Variants in NEK4 observed in about 807,000 individuals in gnomAD.
NEK4 encodes serine/threonine-protein kinase Nek4.
NEK4 carries 86 observed loss-of-function variants against 98.4 expected under a neutral mutation model. The ratio of observed to expected loss-of-function variants is 0.87; its 90% CI spans 0.73 to 1.05. NEK4 has a LOEUF of 1.05. Among genes scored for constraint, NEK4 ranks in the 50% least tolerant of loss-of-function variants. NEK4 has a pLI of 0.00. For synonymous variants in NEK4, 328 were observed against 342.2 expected, an observed-to-expected ratio of 0.96 and a Z score of 0.46; for missense variants, 898 against 950.3, an observed-to-expected ratio of 0.94 and a Z score of 0.72.
rs1165514007 is a variant in NEK4 at position 52,737,594 on chromosome 3, CA to C, written c.2424del (p.Phe808LeufsTer20). On this transcript the variant is annotated frameshift_variant, in exon 15 of 16. Coordinates refer to ENST00000233027, the MANE Select transcript of NEK4 (RefSeq NM_003157.6). LOFTEE classifies it high-confidence loss of function. ...VYDLLEEEDE[F>X]DREVRLREHM... is the part of the protein sequence containing the mutation. ...GTTAATGAGACACTCACCTCTCTATCAAATTCATCCTCCTCCTCCAAAAGAT... is the reference window on the plus strand; with the variant it reads ...GTTAATGAGACACTCACCTCTCTATCAATTCATCCTCCTCCTCCAAAAGAT... 3.1e-6 allele frequency: 5 copies of C among 1,613,936 alleles called. No individual in the cohort carries two copies. Among genetic ancestry groups the C allele is most frequent in the Non-Finnish European group, 4.2e-6 (5 of 1,179,900 alleles).
In NEK4 at chr3:52,752,339, G is replaced by A; in HGVS notation, c.964-3C>T. On this transcript the variant is annotated splice_region_variant and splice_polypyrimidine_tract_variant and intron_variant, in intron 6 of 15. Transcript: ENST00000233027. ...TGGGACAAACATTTGCCTTCACCCT[G>A]AATGAAAAGATGTTTGGAAATTATT... The A allele has an allele frequency of 2.5e-6, 4 of 1,605,146 alleles. No homozygotes were observed. In the Admixed American group the frequency reaches 6.8e-5, roughly 27 times the overall value.
At chr3:52,725,910 A>G (rs2097364085) in intron 15 of NEK4, among the ~76,000 whole-genome samples, 1 of 152,130 alleles carries the variant, frequency 6.6e-6, no homozygotes. Context: ...AAACTCTCCA[A>G]AGATAGAAAT....
At chr3:52,722,531 A>G (rs1051285546) in intron 15 of NEK4, among the ~76,000 whole-genome samples, 1 of 152,226 alleles carries the variant, frequency 6.6e-6, no homozygotes, top group Non-Finnish European at 1.5e-5. Context: ...GACATAAAAA[A>G]TAAGTATGGA....
At chr3:52,732,269 C>T (rs2154102895) in intron 15 of NEK4, among the ~76,000 whole-genome samples, 1 of 152,282 alleles carries the variant, frequency 6.6e-6, no homozygotes, top group South Asian at 2.1e-4. Flanking sequence ...TCTTGGCTCA[C>T]TGCAAGCTCC....
chr3:52,711,890 AAATC>A (rs768804135), intron 15 of NEK4, 21 bp from the exon 16 acceptor site: 23 of 1,438,710 alleles, frequency 1.6e-5, no homozygotes, highest in Middle Eastern at 1.7e-4. Flanking sequence ...AACAAAAAGA[AAATC>A]AATCAGTATG....
chr3:52,746,676 C>G (rs1350692769), intron 9 of NEK4, 58 bp downstream of exon 9: 5 of 1,495,052 alleles, frequency 3.3e-6, no homozygotes, highest in Non-Finnish European at 4.6e-6. Flanking sequence ...GTTAATTGCT[C>G]TAAATAGAAA....
chr3:52,730,406 GAGGA>G (rs1282048195), intron 15 of NEK4, among the ~76,000 whole-genome samples: 2 of 152,222 alleles, frequency 1.3e-5, no homozygotes, highest in Non-Finnish European at 2.9e-5. Context: ...GAGAGTTGAG[GAGGA>G]AGGGGTAATT....
chr3:52,758,178 CAAAAAAAAAAAA>C (rs35117059), intron 6 of NEK4, among the ~76,000 whole-genome samples: 14 of 62,786 alleles, frequency 2.2e-4, no homozygotes, highest in South Asian at 7.2e-4. Context: ...GACACCATCT[CAAAAAAAAAAAA>C]AAAAAAAAAA....
At chr3:52,718,109 T>C (rs1161700741) in intron 15 of NEK4, among the ~76,000 whole-genome samples, 3 of 152,168 alleles carry the variant, frequency 2.0e-5, no homozygotes, top group African/African-American at 7.2e-5. Context: ...TATTTAATTA[T>C]TTTTAAATTC....
intron 6 of NEK4, among the ~76,000 whole-genome samples, chr3:52,757,600 A>G (rs554302502): frequency 1.3e-5 from 2 of 152,176 alleles, no homozygotes; most frequent in South Asian, 4.1e-4. Flanking sequence ...TCTCAAAGAG[A>G]TAAGTGTACA....
At chr3:52,734,184 T>C (rs2097372690) in intron 15 of NEK4, among the ~76,000 whole-genome samples, 1 of 151,968 alleles carries the variant, frequency 6.6e-6, no homozygotes, top group Non-Finnish European at 1.5e-5. Flanking sequence ...CGGTGGCTCA[T>C]GCCTGTAATC....
In NEK4 at chr3:52,741,326, G is replaced by C. The variant is rs17052401; in HGVS notation, c.2093+85C>G. The C allele has an allele frequency of 5.7e-3, 4,389 of 769,556 alleles. 137 individuals carry two copies. In the African/African-American group the frequency reaches 0.069, roughly 12 times the overall value. The allele number at this position is 769,556 out of a possible 1,614,324, so 47.7% of individuals were successfully genotyped here. Reference sequence around the variant, plus strand: ...TAATTTTATCAGTGGGAATACTAGAGATCTAAATACTACTGAAAATGCACA... The same window carrying C: ...TAATTTTATCAGTGGGAATACTAGACATCTAAATACTACTGAAAATGCACA... On this transcript the variant is annotated intron_variant, in intron 13 of 15. Transcript: ENST00000233027.
At chr3:52,743,666 A>C (rs111709756) in intron 11 of NEK4, among the ~76,000 whole-genome samples, 3 of 152,366 alleles carry the variant, frequency 2.0e-5, no homozygotes, top group African/African-American at 7.2e-5. Flanking sequence ...CAAGTTACTT[A>C]ACTCCTCAGA....
chr3:52,759,439 A>G (rs1287576671), intron 6 of NEK4, among the ~76,000 whole-genome samples: 1 of 152,132 alleles, frequency 6.6e-6, no homozygotes, highest in Non-Finnish European at 1.5e-5. Context: ...ATATTTCTCC[A>G]AAGAAGACAT....
intron 2 of NEK4, among the ~76,000 whole-genome samples, chr3:52,766,621 A>G (rs1042611601): frequency 6.6e-6 from 1 of 152,262 alleles, no homozygotes; most frequent in African/African-American, 2.4e-5. Context: ...TGACTTACCC[A>G]GTACCCATCA....
chr3:52,762,906 A>G (rs900651624), intron 5 of NEK4, among the ~76,000 whole-genome samples: 4 of 152,150 alleles, frequency 2.6e-5, no homozygotes, highest in African/African-American at 7.2e-5. Flanking sequence ...AAAAAAAGTA[A>G]GTGCAAGAAG....
At chr3:52,716,409 T>C (rs1045280517) in intron 15 of NEK4, among the ~76,000 whole-genome samples, 1 of 152,214 alleles carries the variant, frequency 6.6e-6, no homozygotes, top group Non-Finnish European at 1.5e-5. Flanking sequence ...AGAGAATGAA[T>C]TTCCCAAAGA....
chr3:52,748,219 G>A (rs970855111), intron 8 of NEK4, among the ~76,000 whole-genome samples: 2 of 151,410 alleles, frequency 1.3e-5, no homozygotes, highest in South Asian at 4.2e-4. Flanking sequence ...CGCCCGCCTC[G>A]GCCTCCCAAA....
At chr3:52,739,797 G>GA (rs1346730135) in intron 13 of NEK4, among the ~76,000 whole-genome samples, 163 bp from the exon 14 acceptor site, 1 of 152,046 alleles carries the variant, frequency 6.6e-6, no homozygotes, top group Non-Finnish European at 1.5e-5. Flanking sequence ...ATAAACTCTA[G>GA]AAAAAATACA....
Sources: allele counts gnomAD v4.1 joint callset (sites outside exome capture counted in the v4.1 genomes callset), GRCh38; gene constraint gnomAD v4.1.1; transcripts MANE v1.5; gene names NCBI Gene and HGNC (gene_info 2026-07-23, HGNC 2026-07-21).